The following DTNB variants were observed in gnomAD, a reference collection of about 807,000 sequenced individuals.
DTNB encodes dystrobrevin beta, also known as DTN-B.
DTNB carries 63 observed loss-of-function variants against 90.7 expected under a neutral mutation model. The observed-to-expected ratio is 0.69, with a 90% CI of 0.57 to 0.86. DTNB has a LOEUF of 0.86. Ranked by LOEUF, DTNB falls within the 40% of genes least tolerant of loss-of-function variation. The probability of loss-of-function intolerance (pLI) is 0.00; values close to 1 mark genes in which losing one functional copy is unlikely to be tolerated. For synonymous variants in DTNB, 277 were observed against 286.7 expected (o/e 0.97, Z 0.34); for missense variants, 744 against 807.1 (o/e 0.92, Z 0.95).
intron 16 of DTNB, among the ~76,000 whole-genome samples, chr2:25,398,028 G>A (rs924736898): frequency 5.9e-5 from 9 of 152,158 alleles, no homozygotes; most frequent in Non-Finnish European, 1.0e-4. Context: ...CCTGAGGACC[G>A]CACATCAGAG....
chr2:25,485,112 G>T (rs1489038536), intron 9 of DTNB, among the ~76,000 whole-genome samples: 1 of 152,130 alleles, frequency 6.6e-6, no homozygotes, highest in African/African-American at 2.4e-5. Context: ...TCCAAAAGAA[G>T]ATAAAGACAT....
chr2:25,554,889 A>G (rs1480161953), intron 8 of DTNB, among the ~76,000 whole-genome samples: 3 of 152,226 alleles, frequency 2.0e-5, no homozygotes, highest in Admixed American at 6.5e-5. Flanking sequence ...AATATAAATG[A>G]AAATACTAAA....
intron 4 of DTNB, among the ~76,000 whole-genome samples, chr2:25,617,763 A>G (rs1206530414): frequency 6.6e-6 from 1 of 152,148 alleles, no homozygotes; most frequent in Non-Finnish European, 1.5e-5. Flanking sequence ...CTGTAGTTCC[A>G]GCTACATGGG....
intron 8 of DTNB, among the ~76,000 whole-genome samples, chr2:25,556,486 T>C (rs749743611): frequency 2.0e-5 from 3 of 152,186 alleles, no homozygotes; most frequent in Non-Finnish European, 2.9e-5. Flanking sequence ...AATTTAAAAC[T>C]GGAACAAGTG....
At chr2:25,542,909 G>A (rs1181557995) in intron 8 of DTNB, among the ~76,000 whole-genome samples, 1 of 150,684 alleles carries the variant, frequency 6.6e-6, no homozygotes, top group Admixed American at 6.6e-5. Flanking sequence ...CAATTTTTGT[G>A]TATTTGAAAA....
intron 6 of DTNB, among the ~76,000 whole-genome samples, chr2:25,591,385 C>G (rs1297367469): frequency 6.6e-6 from 1 of 152,234 alleles, no homozygotes; most frequent in East Asian, 1.9e-4. Flanking sequence ...ACGCCTCCCC[C>G]AGTGCAGCCA....
intron 11 of DTNB, 90 bp downstream of exon 11, chr2:25,455,315 G>T: frequency 7.9e-7 from 1 of 1,260,344 alleles, no homozygotes; most frequent in Non-Finnish European, 1.1e-6. Context: ...CTGACATGCA[G>T]TTTTTTTTCC....
intron 16 of DTNB, among the ~76,000 whole-genome samples, chr2:25,417,905 C>T (rs2048359831): frequency 1.3e-5 from 2 of 152,112 alleles, no homozygotes; most frequent in African/African-American, 4.8e-5. Context: ...TCTAGATAAA[C>T]TGGAGGATTA....
intron 10 of DTNB, among the ~76,000 whole-genome samples, chr2:25,472,262 C>T (rs757170570): frequency 2.0e-5 from 3 of 152,014 alleles, no homozygotes; most frequent in Non-Finnish European, 2.9e-5. Context: ...TAGGGTGTTA[C>T]GGAAGGCTTA....
At chr2:25,566,566 A>G (rs1192221003) in intron 8 of DTNB, among the ~76,000 whole-genome samples, 1 of 152,220 alleles carries the variant, frequency 6.6e-6, no homozygotes, top group Non-Finnish European at 1.5e-5. Flanking sequence ...TGCATAATTA[A>G]TAGTGTCTCC....
intron 3 of DTNB, among the ~76,000 whole-genome samples, chr2:25,637,847 T>C (rs1481165852): frequency 1.3e-5 from 2 of 152,164 alleles, no homozygotes; most frequent in African/African-American, 4.8e-5. Flanking sequence ...GACCCAGCAA[T>C]CCCATTACTG....
chr2:25,640,879 G>A (rs183502281), intron 2 of DTNB, among the ~76,000 whole-genome samples: 153 of 152,190 alleles, frequency 1.0e-3, no homozygotes, highest in Non-Finnish European at 6.5e-4. Flanking sequence ...GGTGGTGGGC[G>A]CCTGTAGTCC....
At chr2:25,511,258 C>T (rs1449426738) in intron 9 of DTNB, among the ~76,000 whole-genome samples, 1 of 152,170 alleles carries the variant, frequency 6.6e-6, no homozygotes, top group Non-Finnish European at 1.5e-5. Context: ...TTATTCACTT[C>T]ATTTATGTGA....
chr2:25,593,061 C>A (rs1243416180), intron 6 of DTNB, among the ~76,000 whole-genome samples: 1 of 151,910 alleles, frequency 6.6e-6, no homozygotes, highest in East Asian at 1.9e-4. Context: ...GTCTTCACAG[C>A]CTCTTCACTC....
intron 5 of DTNB, among the ~76,000 whole-genome samples, chr2:25,602,370 G>A (rs2066084179): frequency 6.6e-6 from 1 of 151,700 alleles, no homozygotes; most frequent in African/African-American, 2.4e-5. Flanking sequence ...AAACATTTTG[G>A]TTATCTGAAA....
At chr2:25,533,476 TC>T (rs1168074835) in intron 8 of DTNB, among the ~76,000 whole-genome samples, 1 of 152,182 alleles carries the variant, frequency 6.6e-6, no homozygotes, top group Non-Finnish European at 1.5e-5. Flanking sequence ...TGACGCTGAT[TC>T]TTCCCCTATT....
intron 9 of DTNB, among the ~76,000 whole-genome samples, chr2:25,487,177 G>C (rs545474584): frequency 6.6e-6 from 1 of 152,278 alleles, no homozygotes; most frequent in South Asian, 2.1e-4. Context: ...TATATAGATG[G>C]AGACAAACAT....
chr2:25,606,823 A>G (rs1370233104), intron 5 of DTNB, among the ~76,000 whole-genome samples: 1 of 152,210 alleles, frequency 6.6e-6, no homozygotes, highest in African/African-American at 2.4e-5. Context: ...GGAATAATGT[A>G]ATCACAGCAA....
At chr2:25,602,518 T>A (rs1388259651) in intron 5 of DTNB, among the ~76,000 whole-genome samples, 2 of 152,122 alleles carry the variant, frequency 1.3e-5, no homozygotes, top group Non-Finnish European at 2.9e-5. Flanking sequence ...GAGTCTAAAA[T>A]CTGAACAGGT....
Sources: gnomAD v4.1 joint callset for allele counts (sites outside exome capture counted in the v4.1 genomes callset) on GRCh38, gnomAD v4.1.1 for gene constraint, MANE v1.5 for transcripts, NCBI Gene and HGNC (gene_info 2026-07-23, HGNC 2026-07-21) for gene names.